Variants in EPB41L4B observed in about 807,000 individuals in gnomAD.
EPB41L4B encodes erythrocyte membrane protein band 4.1 like 4B.
A neutral mutation model predicts 112.5 loss-of-function variants in EPB41L4B; 30 were observed. That is an observed-to-expected ratio of 0.27 (90% CI 0.20 to 0.36). EPB41L4B has a LOEUF of 0.36. Among genes scored for constraint, EPB41L4B ranks in the 10% least tolerant of loss-of-function variants. The pLI is 1.00. For missense variants in EPB41L4B, 1,024 were observed against 1,133.3 expected (o/e 0.90, Z 1.38); for synonymous variants, 408 against 439.7 (o/e 0.93, Z 0.90).
chr9:109,189,980 GGCTGGA>G (rs1160397326), intron 22 of EPB41L4B, among the ~76,000 whole-genome samples: 1 of 152,076 alleles, frequency 6.6e-6, no homozygotes, highest in Non-Finnish European at 1.5e-5. Context: ...TTGTTGCCCA[GGCTGGA>G]ATGCAGTGGC....
At position 109,253,444 on chromosome 9, in the gene EPB41L4B, T is replaced by C. The variant is rs752239395; in HGVS notation, c.1276A>G (p.Lys426Glu). The C allele has an allele frequency of 3.1e-6, 5 of 1,606,474 alleles. No individual in the cohort carries two copies. Among genetic ancestry groups the C allele is most frequent in the Non-Finnish European group, 4.3e-6 (5 of 1,173,554 alleles). The change falls in exon 12 of 26, where the codon AAA (lysine) becomes GAA (glutamate). Residue 426 changes from lysine to glutamate, a missense_variant. Coordinates refer to ENST00000374566, the MANE Select transcript of EPB41L4B (RefSeq NM_019114.5). ...GAAAGAATGAAAAACACACAACCTT[T>C]GAACGTTGAATGTCTCCGGGATGGA... The part of the protein sequence containing the change: ...RYPSRRHSTF[K>E]ASNPVIAAQL...
intron 17 of EPB41L4B, among the ~76,000 whole-genome samples, chr9:109,211,911 G>GGC (rs1554746770): frequency 1.3e-5 from 2 of 150,134 alleles, no homozygotes; most frequent in Non-Finnish European, 3.0e-5. Flanking sequence ...AGATGGGGGG[G>GGC]GTCTCGCCAT....
intron 18 of EPB41L4B, 92 bp downstream of exon 18, chr9:109,207,832 C>A (rs1417958139): frequency 4.0e-6 from 6 of 1,486,760 alleles, no homozygotes; most frequent in Non-Finnish European, 5.5e-6. Context: ...CTGACTGACA[C>A]AGCATCTCAG....
intron 2 of EPB41L4B, among the ~76,000 whole-genome samples, chr9:109,270,009 T>C (rs1397587189): frequency 6.6e-6 from 1 of 152,198 alleles, no homozygotes; most frequent in African/African-American, 2.4e-5. Flanking sequence ...TCATCTCCAC[T>C]CCAGGCTAGG....
At chr9:109,241,495 G>C in intron 15 of EPB41L4B, 1 of 1,415,214 alleles carries the variant, frequency 7.1e-7, no homozygotes, top group Non-Finnish European at 9.2e-7. Flanking sequence ...ATTATGACAA[G>C]CTATAGTGGT....
intron 12 of EPB41L4B, among the ~76,000 whole-genome samples, chr9:109,252,013 A>T (rs1834806677): frequency 6.6e-6 from 1 of 152,218 alleles, no homozygotes. Context: ...TAAAAGCTTG[A>T]CAAAGAAGAT....
At chr9:109,301,257 G>A (rs1564331267) in intron 1 of EPB41L4B, 1 of 152,184 alleles carries the variant, frequency 6.6e-6, no homozygotes, top group Non-Finnish European at 1.5e-5. Context: ...CAACAGAAGA[G>A]TACAGTAAAC....
At chr9:109,294,645 G>A (rs1338295041) in intron 1 of EPB41L4B, among the ~76,000 whole-genome samples, 1 of 149,530 alleles carries the variant, frequency 6.7e-6, no homozygotes, top group Middle Eastern at 3.4e-3. Context: ...ATAATTGTTC[G>A]TTTTGTGGAG....
intron 15 of EPB41L4B, among the ~76,000 whole-genome samples, chr9:109,224,560 G>C (rs78180649): frequency 0.037 from 5,640 of 152,238 alleles, 148 homozygotes; most frequent in Non-Finnish European, 0.057. Context: ...CGGGGGGAAG[G>C]GGGAGTGACT....
Position 109,182,767 on chromosome 9 carries a change from G to A in EPB41L4B, c.2449C>T (p.Pro817Ser), listed in dbSNP as rs780365973. ...CCTGTGGTGAAAGTATCAGGAAACGGGTTCATTGTATCAACCGGGAATGTT... is the reference window on the plus strand; with the variant it reads ...CCTGTGGTGAAAGTATCAGGAAACGAGTTCATTGTATCAACCGGGAATGTT... ...IKTFPVDTMNPFPDTFTTGPQ... is the reference protein window; with the variant it reads ...IKTFPVDTMNSFPDTFTTGPQ... Residue 817 changes from proline (P) to serine (S), a missense_variant, in exon 24 of 26, where the codon CCG (proline) becomes TCG (serine). Transcript: ENST00000374566. 7 of 1,612,936 alleles carry A rather than the reference G, an allele frequency of 4.3e-6. No homozygotes were observed. The South Asian group carries it at 7.7e-5, about 18-fold the overall frequency.
chr9:109,257,269 G>A (rs1835017939), intron 7 of EPB41L4B, among the ~76,000 whole-genome samples: 1 of 152,146 alleles, frequency 6.6e-6, no homozygotes, highest in Admixed American at 6.5e-5. Context: ...CCTGGAGGAG[G>A]CAGTGTTTGG....
At chr9:109,215,033 G>A (rs1445113906) in intron 16 of EPB41L4B, among the ~76,000 whole-genome samples, 1 of 152,138 alleles carries the variant, frequency 6.6e-6, no homozygotes, top group Non-Finnish European at 1.5e-5. Flanking sequence ...TACCAAGTGG[G>A]TGTCGAGTTT....
chr9:109,240,259 C>T (rs1588162439), intron 15 of EPB41L4B: 1 of 985,226 alleles, frequency 1.0e-6, no homozygotes, highest in East Asian at 1.1e-4. Context: ...AGCACATACA[C>T]TGAGCATCAG....
rs1834945266 is a variant in EPB41L4B, at chr9:109,255,545, C to T, written c.1135G>A (p.Asp379Asn). 3.1e-6 allele frequency: 5 copies of T among 1,614,072 alleles called. No homozygotes were observed. Among genetic ancestry groups the T allele is most frequent in the Non-Finnish European group, 4.2e-6 (5 of 1,180,038 alleles). Residue 379 changes from aspartate (D) to asparagine (N), a missense_variant, in exon 11 of 26, where the codon GAC becomes AAC. By Grantham distance (23) the Asp-to-Asn change is conservative. Coordinates refer to ENST00000374566, the MANE Select transcript of EPB41L4B (RefSeq NM_019114.5). ...TPGNSKSNRS[D>N]FIRLGSRFRF... is the part of the protein sequence containing the mutation. The stretch of plus-strand genomic sequence containing the variant: ...AAGCGAGAGCCCAGCCTGATAAAGT[C>T]GGATCTATTGGATTTGCTGTTTCCT...
intron 2 of EPB41L4B, among the ~76,000 whole-genome samples, chr9:109,268,672 G>A (rs10979784): frequency 0.16 from 24,179 of 152,004 alleles, 2,415 homozygotes; most frequent in Non-Finnish European, 0.22. Flanking sequence ...GCCGAGGCGG[G>A]CGGATCACGA....
At position 109,282,924 on chromosome 9, in the gene EPB41L4B, C is replaced by T. The variant is rs10979799; in HGVS notation, c.307-3003G>A. ...TCTCAACTCCCGACCTCAAGTGATC[C>T]GCCCACCTCGGCGTCCCAAAGTGCT... On this transcript the variant is annotated intron_variant, in intron 1 of 25. Coordinates refer to ENST00000374566, the MANE Select transcript of EPB41L4B (RefSeq NM_019114.5). 6.2e-3 allele frequency among the ~76,000 whole-genome samples: 947 copies of T among 152,080 alleles called. 23 individuals are homozygous for T. In the East Asian group the frequency reaches 0.092, roughly 15 times the overall value.
At chr9:109,223,289 A>T (rs1833654492) in intron 15 of EPB41L4B, among the ~76,000 whole-genome samples, 1 of 152,052 alleles carries the variant, frequency 6.6e-6, no homozygotes, top group Non-Finnish European at 1.5e-5. Flanking sequence ...ACAAAAAATT[A>T]ACCCGGTATG....
chr9:109,287,758 C>G (rs577792525), intron 1 of EPB41L4B, among the ~76,000 whole-genome samples: 2 of 152,158 alleles, frequency 1.3e-5, no homozygotes, highest in Non-Finnish European at 2.9e-5. Context: ...CTCAGCCTCC[C>G]GAGTAGCTGA....
At chr9:109,305,330 C>T (rs889646058) in intron 1 of EPB41L4B, among the ~76,000 whole-genome samples, 1 of 152,100 alleles carries the variant, frequency 6.6e-6, no homozygotes, top group African/African-American at 2.4e-5. Context: ...AATACGAAGG[C>T]AGCACAGGCC....
Sources: gnomAD v4.1 joint callset for allele counts (sites outside exome capture counted in the v4.1 genomes callset) on GRCh38, gnomAD v4.1.1 for gene constraint, MANE v1.5 for transcripts, NCBI Gene and HGNC (gene_info 2026-07-23, HGNC 2026-07-21) for gene names.